Variants in LRRC3B observed in about 807,000 individuals in gnomAD.
The protein encoded by LRRC3B is leucine-rich repeat-containing protein 3B.
Under a neutral mutation model 12.8 loss-of-function variants are expected in LRRC3B, and 2 were observed. The ratio of observed to expected loss-of-function variants is 0.16; its 90% CI spans 0.06 to 0.49. The LOEUF is 0.49. Among genes scored for constraint, LRRC3B ranks in the 20% least tolerant of loss-of-function variants. LRRC3B has a pLI of 0.96. For synonymous variants in LRRC3B, 132 were observed against 122.0 expected (o/e 1.08, Z -0.54); for missense variants, 189 against 319.4 (o/e 0.59, Z 3.11).
At chr3:26,684,054 C>A (rs11709390) in intron 1 of LRRC3B, among the ~76,000 whole-genome samples, 4,059 of 152,302 alleles carry the variant, frequency 0.027, 95 homozygotes, top group South Asian at 0.044. Context: ...CCTGGTGAAT[C>A]AGCCAATTTA....
At chr3:26,646,517 A>G (rs765519392) in intron 1 of LRRC3B, among the ~76,000 whole-genome samples, 15 of 146,710 alleles carry the variant, frequency 1.0e-4, no homozygotes, top group Non-Finnish European at 1.8e-4. Context: ...ATTATATTCT[A>G]TCTGCAGTGC....
intron 1 of LRRC3B, among the ~76,000 whole-genome samples, chr3:26,703,910 T>C (rs187847678): frequency 1.3e-5 from 2 of 152,188 alleles, no homozygotes; most frequent in East Asian, 3.9e-4. Context: ...AGGTTCATTT[T>C]TTGGCTAATC....
chr3:26,671,304 C>T lies in LRRC3B; in HGVS notation c.-160-38209C>T, dbSNP rs531693963. On this transcript the variant is annotated intron_variant, in intron 1 of 1. Transcript: ENST00000396641. ...TGCTGGGATTACAGGCGTGAGCCAC[C>T]GCGCCCGGCCTCATGTATCTTATAA... is the stretch of plus-strand genomic sequence containing the variant. Among the ~76,000 whole-genome samples, 25 of 141,852 alleles carry T rather than the reference C, an allele frequency of 1.8e-4. 1 individual carries two copies. The highest frequency in any genetic ancestry group is 1.1e-3 in the Admixed American group (16 of 14,072). The allele number at this position is 141,852 out of a possible 152,430, so 93.1% of individuals were successfully genotyped here.
intron 1 of LRRC3B, among the ~76,000 whole-genome samples, chr3:26,701,795 A>T (rs1038491486): frequency 1.3e-5 from 2 of 152,084 alleles, no homozygotes; most frequent in African/African-American, 2.4e-5. Flanking sequence ...TTTTACTTTC[A>T]AAGTGGGCAA....
At chr3:26,629,220 C>T (rs980978976) in intron 1 of LRRC3B, among the ~76,000 whole-genome samples, 3 of 150,572 alleles carry the variant, frequency 2.0e-5, no homozygotes, top group Admixed American at 6.6e-5. Flanking sequence ...CCTTCCCTCC[C>T]TCACTCCCTC....
At chr3:26,635,168 A>G (rs1369815556) in intron 1 of LRRC3B, among the ~76,000 whole-genome samples, 1 of 152,126 alleles carries the variant, frequency 6.6e-6, no homozygotes, top group Non-Finnish European at 1.5e-5. Flanking sequence ...CCTGGACCTC[A>G]GGACTGCAGT....
At chr3:26,660,803 AT>A (rs1205370190) in intron 1 of LRRC3B, among the ~76,000 whole-genome samples, 20 of 152,236 alleles carry the variant, frequency 1.3e-4, no homozygotes, top group South Asian at 6.2e-4. Context: ...TGCTTTTTTC[AT>A]TTCTGAGCTG....
At chr3:26,635,205 C>T (rs1698840609) in intron 1 of LRRC3B, among the ~76,000 whole-genome samples, 1 of 152,172 alleles carries the variant, frequency 6.6e-6, no homozygotes, top group Non-Finnish European at 1.5e-5. Flanking sequence ...GCTCCCATTT[C>T]CTGCCAGTTT....
At chr3:26,657,288 ATGAGAGAACAGTC>A (rs1270453965) in intron 1 of LRRC3B, among the ~76,000 whole-genome samples, 1 of 152,232 alleles carries the variant, frequency 6.6e-6, no homozygotes, top group African/African-American at 2.4e-5. Flanking sequence ...TATAAACTCT[ATGAGAGAACAGTC>A]TGAATCACCT....
At chr3:26,683,595 G>A (rs1700014739) in intron 1 of LRRC3B, among the ~76,000 whole-genome samples, 1 of 152,210 alleles carries the variant, frequency 6.6e-6, no homozygotes, top group African/African-American at 2.4e-5. Context: ...TTGTCCATGA[G>A]GTTAGGAAGG....
chr3:26,658,162 G>A (rs985516441), intron 1 of LRRC3B, among the ~76,000 whole-genome samples: 10 of 152,042 alleles, frequency 6.6e-5, no homozygotes, highest in African/African-American at 2.2e-4. Context: ...CTGCAAGCTC[G>A]GCCTCCCGGG....
At position 26,660,096 on chromosome 3, in the gene LRRC3B, C is replaced by T. The variant is rs1246854200; in HGVS notation, c.-161+36859C>T. The stretch of plus-strand genomic sequence containing the variant: ...TTAGTAGGAGAAAATATAGGGCTCC[C>T]TTCATAATTATATTACTCCATCCCT... On this transcript the variant is annotated intron_variant, in intron 1 of 1. Transcript: ENST00000396641. 3.3e-5 allele frequency among the ~76,000 whole-genome samples: 5 copies of T among 152,130 alleles called. No homozygotes were observed. The East Asian group carries it at 7.7e-4, about 24-fold the overall frequency.
chr3:26,647,233 CAT>C (rs906284466), intron 1 of LRRC3B, among the ~76,000 whole-genome samples: 30 of 152,264 alleles, frequency 2.0e-4, no homozygotes, highest in African/African-American at 7.0e-4. Context: ...CCCTCCAACA[CAT>C]GTTACCCTGA....
exon 2 of LRRC3B, chr3:26,710,155 G>C: frequency 6.2e-7 from 1 of 1,613,914 alleles, no homozygotes; most frequent in Admixed American, 1.7e-5. Context: ...GGAGCATGGC[G>C]TCCAATCATG....
chr3:26,645,774 A>T (rs921683895), intron 1 of LRRC3B, among the ~76,000 whole-genome samples: 3 of 152,148 alleles, frequency 2.0e-5, no homozygotes, highest in Non-Finnish European at 2.9e-5. Flanking sequence ...AATGGAAAAA[A>T]AATTATGAGG....
At chr3:26,638,351 G>A (rs888886038) in intron 1 of LRRC3B, among the ~76,000 whole-genome samples, 6 of 152,126 alleles carry the variant, frequency 3.9e-5, no homozygotes, top group Admixed American at 3.9e-4. Flanking sequence ...TAAAGGTAGT[G>A]TAGTCTGTTG....
At chr3:26,685,515 C>CTATATA (rs1700062369) in intron 1 of LRRC3B, among the ~76,000 whole-genome samples, 1 of 53,802 alleles carries the variant, frequency 1.9e-5, no homozygotes, top group Admixed American at 2.4e-4. Context: ...CTCTCTCTCT[C>CTATATA]TCTCTCTCTA....
intron 1 of LRRC3B, among the ~76,000 whole-genome samples, chr3:26,701,850 G>GTAACT (rs369478064): frequency 2.5e-3 from 378 of 152,174 alleles, no homozygotes; most frequent in African/African-American, 8.8e-3. Context: ...GCTTTATATG[G>GTAACT]TAACTTAACC....
intron 1 of LRRC3B, among the ~76,000 whole-genome samples, chr3:26,683,039 T>A (rs1425397596): frequency 6.6e-6 from 1 of 152,238 alleles, no homozygotes; most frequent in African/African-American, 2.4e-5. Context: ...AATTCTGAGA[T>A]CTTTTTTATT....
Sources: gnomAD v4.1 joint callset for allele counts (sites outside exome capture counted in the v4.1 genomes callset) on GRCh38, gnomAD v4.1.1 for gene constraint, MANE v1.5 for transcripts, NCBI Gene and HGNC (gene_info 2026-07-23, HGNC 2026-07-21) for gene names.